The following SNAP29 variants were observed in gnomAD, a reference collection of about 807,000 sequenced individuals.
The protein encoded by SNAP29 is synaptosome associated protein 29.
Under a neutral mutation model 27.9 loss-of-function variants are expected in SNAP29, and 13 were observed. The ratio of observed to expected loss-of-function variants is 0.47; its 90% CI spans 0.30 to 0.74. SNAP29 has a LOEUF of 0.74. Among genes scored for constraint, SNAP29 ranks in the 30% least tolerant of loss-of-function variants. SNAP29 has a pLI of 0.06. For synonymous variants in SNAP29, 119 were observed against 127.1 expected (o/e 0.94, Z 0.43); for missense variants, 368 against 336.5 (o/e 1.09, Z -0.73).
chr22:20,865,437 C>T (rs5752158), intron 1 of SNAP29, among the ~76,000 whole-genome samples: 7 of 152,236 alleles, frequency 4.6e-5, no homozygotes, highest in Admixed American at 2.0e-4. Flanking sequence ...TGAGGATGGG[C>T]TGGTTGTTCG....
chr22:20,866,951 T>G (rs953601579), intron 1 of SNAP29, among the ~76,000 whole-genome samples: 12 of 152,116 alleles, frequency 7.9e-5, no homozygotes, highest in African/African-American at 2.9e-4. Context: ...TAGCTTTAGT[T>G]TCTGCCTCCC....
At chr22:20,874,093 G>T (rs1293680677) in intron 2 of SNAP29, among the ~76,000 whole-genome samples, 6 of 150,926 alleles carry the variant, frequency 4.0e-5, no homozygotes, top group Admixed American at 6.6e-5. Context: ...GGCTAACACG[G>T]TGAAACCCCG....
chr22:20,864,651 T>C (rs1457960918), intron 1 of SNAP29, among the ~76,000 whole-genome samples: 1 of 152,206 alleles, frequency 6.6e-6, no homozygotes, highest in African/African-American at 2.4e-5. Flanking sequence ...CTAGATTAAG[T>C]AATTCCTCAA....
rs1569122334 is a variant in SNAP29, at chr22:20,888,517, GCACTGCT to G, written c.*688_*694del. The G allele has an allele frequency of 6.4e-6, 1 of 155,756 alleles. No homozygotes were observed. Among genetic ancestry groups the G allele is most frequent in the Non-Finnish European group, 1.4e-5 (1 of 70,228 alleles). 9.6% of individuals were successfully genotyped at this position (155,756 alleles called of 1,614,324 possible). On this transcript the variant is annotated 3_prime_UTR_variant, in exon 5 of 5. Transcript: ENST00000215730. ...ATATTAGTAGGAGGGCTTCACACCAGCACTGCTCACTGCGACTCCTGGAAATGTGTGG... is the reference window on the plus strand; with the variant it reads ...ATATTAGTAGGAGGGCTTCACACCAGCACTGCGACTCCTGGAAATGTGTGG...
At chr22:20,863,190 A>G (rs1928371133) in intron 1 of SNAP29, among the ~76,000 whole-genome samples, 1 of 152,170 alleles carries the variant, frequency 6.6e-6, no homozygotes, top group Admixed American at 6.5e-5. Context: ...GAATCACTCT[A>G]ATCACTCTTT....
At chr22:20,861,165 T>C (rs1210024614) in intron 1 of SNAP29, among the ~76,000 whole-genome samples, 3 of 129,098 alleles carry the variant, frequency 2.3e-5, no homozygotes, top group African/African-American at 6.0e-5. Context: ...GTCACCAGAC[T>C]GGAGTGCAGT....
intron 4 of SNAP29, among the ~76,000 whole-genome samples, chr22:20,884,082 C>A (rs937451211): frequency 3.3e-5 from 5 of 152,180 alleles, no homozygotes; most frequent in Admixed American, 6.5e-5. Flanking sequence ...CCTGCAATCC[C>A]AGCACTTTGG....
intron 4 of SNAP29, among the ~76,000 whole-genome samples, chr22:20,883,904 T>G (rs1928951364): frequency 6.6e-6 from 1 of 152,082 alleles, no homozygotes; most frequent in African/African-American, 2.4e-5. Flanking sequence ...TTTTCCTCCT[T>G]GTGAAATGGG....
intron 2 of SNAP29, among the ~76,000 whole-genome samples, chr22:20,877,282 C>A (rs1010408654): frequency 2.0e-5 from 3 of 152,038 alleles, no homozygotes; most frequent in Admixed American, 6.6e-5. Context: ...TCAGGCCTGG[C>A]ACGGTGGCTC....
rs137915651 is a variant in SNAP29, at chr22:20,864,062, A to G, written c.237+4715A>G. Among the ~76,000 whole-genome samples the G allele has an allele frequency of 1.6e-3, 243 of 152,138 alleles. 1 individual carries two copies. The highest frequency in any genetic ancestry group is 2.8e-3 in the Non-Finnish European group (187 of 67,976). The stretch of plus-strand genomic sequence containing the variant: ...CTTTTGGTGAGTCTATTTGCATCCT[A>G]CTTGGACATGGTTTTTGTACACCTT... On this transcript the variant is annotated intron_variant, in intron 1 of 4. Transcript: ENST00000215730.
At chr22:20,871,751 G>A (rs532935026) in intron 2 of SNAP29, among the ~76,000 whole-genome samples, 6 of 152,116 alleles carry the variant, frequency 3.9e-5, no homozygotes, top group Admixed American at 2.0e-4. Flanking sequence ...GCGTGATGGC[G>A]GGCGCCCGTA....
chr22:20,881,139 G>C lies in SNAP29; in HGVS notation c.520+5G>C. 6.4e-7 allele frequency: 1 copy of C among 1,569,834 alleles called. No homozygotes were observed. Among genetic ancestry groups the C allele is most frequent in the Non-Finnish European group, 8.8e-7 (1 of 1,139,708 alleles). ...TTAGAAAGCTGGATGATACAGGTAA[G>C]TGGATACCTGTGTGCACAGCCACAT... On this transcript the variant is annotated splice_donor_5th_base_variant and intron_variant, in intron 3 of 4. Transcript: ENST00000215730.
chr22:20,870,925 C>T (rs181486493), intron 2 of SNAP29: 2 of 327,744 alleles, frequency 6.1e-6, no homozygotes, highest in African/African-American at 4.3e-5. Flanking sequence ...TTGCTTAAGC[C>T]CAGGAGCTCG....
chr22:20,884,766 A>ATGTTT (rs361756), intron 4 of SNAP29, among the ~76,000 whole-genome samples: 51,475 of 150,784 alleles, frequency 0.34, 9,322 homozygotes, highest in African/African-American at 0.44. Context: ...CTTAGTGATT[A>ATGTTT]TGTTTTGTTT....
At chr22:20,880,829 AGCTGCC>A (rs1205197550) in intron 2 of SNAP29, among the ~76,000 whole-genome samples, 5 of 152,112 alleles carry the variant, frequency 3.3e-5, no homozygotes, top group African/African-American at 1.2e-4. Context: ...CACCTGGCTT[AGCTGCC>A]ACACTTCTGA....
At chr22:20,881,240 C>A in intron 3 of SNAP29, 106 bp downstream of exon 3, 1 of 790,586 alleles carries the variant, frequency 1.3e-6, no homozygotes, top group Non-Finnish European at 2.2e-6. Flanking sequence ...GGGAGGTGGG[C>A]AGGGGCCCCA....
chr22:20,880,668 G>T (rs1449927423), intron 2 of SNAP29, among the ~76,000 whole-genome samples: 1 of 152,084 alleles, frequency 6.6e-6, no homozygotes, highest in Non-Finnish European at 1.5e-5. Flanking sequence ...CTGAGAGAGG[G>T]CCACCTAACT....
rs577948388 is a variant in SNAP29, at chr22:20,884,466, G to A, written c.619+897G>A. On this transcript the variant is annotated intron_variant, in intron 4 of 4. Transcript: ENST00000215730. Reference sequence around the variant, plus strand: ...CTGCCCTCATCACCTGCAGGCTCGTGTGGGATTTCTGATGTGAGTTCTTTC... The same window carrying A: ...CTGCCCTCATCACCTGCAGGCTCGTATGGGATTTCTGATGTGAGTTCTTTC... 5.3e-4 allele frequency among the ~76,000 whole-genome samples: 80 copies of A among 152,246 alleles called. 1 individual carries two copies. In the South Asian group the frequency reaches 0.016, roughly 30 times the overall value.
intron 1 of SNAP29, among the ~76,000 whole-genome samples, chr22:20,859,947 C>T (rs1173571833): frequency 6.6e-6 from 1 of 152,172 alleles, no homozygotes; most frequent in Non-Finnish European, 1.5e-5. Context: ...CAGGGTCTTA[C>T]CTTTACTTCC....
Sources: gnomAD v4.1 joint callset for allele counts (sites outside exome capture counted in the v4.1 genomes callset) on GRCh38, gnomAD v4.1.1 for gene constraint, MANE v1.5 for transcripts, NCBI Gene and HGNC (gene_info 2026-07-23, HGNC 2026-07-21) for gene names.